The following TNFAIP8 variants were observed in gnomAD, a reference collection of about 807,000 sequenced individuals.
The protein encoded by TNFAIP8 is tumor necrosis factor alpha-induced protein 8.
Under a neutral mutation model 13.3 loss-of-function variants are expected in TNFAIP8, and 7 were observed. That is an observed-to-expected ratio of 0.52 (90% CI 0.30 to 0.99). TNFAIP8 has a LOEUF of 0.99. TNFAIP8 is among the 50% of genes least tolerant of loss of function. The pLI is 0.07. For missense variants in TNFAIP8, 258 were observed against 236.9 expected, an observed-to-expected ratio of 1.09 and a Z score of -0.58; for synonymous variants, 94 against 87.6, an observed-to-expected ratio of 1.07 and a Z score of -0.41.
At chr5:119,391,812 G>A (rs1562037476) in intron 1 of TNFAIP8, among the ~76,000 whole-genome samples, 1 of 151,694 alleles carries the variant, frequency 6.6e-6, no homozygotes, top group African/African-American at 2.4e-5. Context: ...GAAAATTGTG[G>A]TAGAAGAAAA....
At chr5:119,279,245 C>G (rs1748557848) in intron 1 of TNFAIP8, among the ~76,000 whole-genome samples, 1 of 152,224 alleles carries the variant, frequency 6.6e-6, no homozygotes, top group South Asian at 2.1e-4. Context: ...TCTGGTGGCT[C>G]AGCTGCCCTC....
upstream of TNFAIP8, chr5:119,355,815 C>A: frequency 1.2e-6 from 1 of 847,722 alleles, no homozygotes; most frequent in Non-Finnish European, 1.5e-6. Context: ...CGAGCCAGCC[C>A]CGCCAGGTCG....
intron 1 of TNFAIP8, among the ~76,000 whole-genome samples, chr5:119,368,491 C>G (rs1384543649): frequency 6.7e-6 from 1 of 148,696 alleles, no homozygotes; most frequent in African/African-American, 2.5e-5. Context: ...GTTTAAGAAG[C>G]CTTGACACCA....
intron 1 of TNFAIP8, among the ~76,000 whole-genome samples, chr5:119,317,627 C>A (rs1002040094): frequency 2.7e-4 from 41 of 150,666 alleles, no homozygotes; most frequent in African/African-American, 9.0e-4. Context: ...GAGATGGAGT[C>A]TCACTCTCTT....
chr5:119,329,041 GA>G (rs1273222799), intron 1 of TNFAIP8, among the ~76,000 whole-genome samples: 9 of 152,320 alleles, frequency 5.9e-5, no homozygotes, highest in Admixed American at 5.9e-4. Flanking sequence ...TGAATCATAG[GA>G]AGACAGACGT....
At chr5:119,299,879 C>G (rs71585210) in intron 1 of TNFAIP8, among the ~76,000 whole-genome samples, 1,914 of 152,340 alleles carry the variant, frequency 0.013, 20 homozygotes, top group Middle Eastern at 0.024. Flanking sequence ...TGCTAGCAAT[C>G]AGCAAGACTC....
At chr5:119,344,151 G>T (rs890543531) in intron 1 of TNFAIP8, among the ~76,000 whole-genome samples, 6 of 152,176 alleles carry the variant, frequency 3.9e-5, no homozygotes, top group Admixed American at 3.9e-4. Flanking sequence ...GGTTTATTTG[G>T]CTCCTGATTC....
At chr5:119,333,720 T>C in intron 1 of TNFAIP8, 2 of 1,057,176 alleles carry the variant, frequency 1.9e-6, no homozygotes, top group Non-Finnish European at 2.8e-6. Context: ...ATAGTATTGC[T>C]GTCTTCAAGG....
chr5:119,275,015 T>A (rs1362808635), intron 1 of TNFAIP8, among the ~76,000 whole-genome samples: 6 of 78,030 alleles, frequency 7.7e-5, no homozygotes, highest in African/African-American at 4.7e-4. Flanking sequence ...TTTTTTTAAT[T>A]TTTTTTTTTT....
chr5:119,289,475 C>A (rs370092967), intron 1 of TNFAIP8, among the ~76,000 whole-genome samples: 2 of 152,202 alleles, frequency 1.3e-5, no homozygotes, highest in African/African-American at 4.8e-5. Flanking sequence ...CTGTATTGGG[C>A]TGGAAACCTC....
At chr5:119,342,659 C>G (rs1462697655) in intron 1 of TNFAIP8, among the ~76,000 whole-genome samples, 1 of 152,228 alleles carries the variant, frequency 6.6e-6, no homozygotes, top group African/African-American at 2.4e-5. Context: ...TGGCTGCTAT[C>G]TCTAGTCATG....
At chr5:119,326,068 C>T (rs996971438) in intron 1 of TNFAIP8, among the ~76,000 whole-genome samples, 1 of 152,202 alleles carries the variant, frequency 6.6e-6, no homozygotes, top group African/African-American at 2.4e-5. Flanking sequence ...ACAGGCAACC[C>T]CTTATGTTTC....
chr5:119,318,066 CTTGA>C (rs1749950948), intron 1 of TNFAIP8, among the ~76,000 whole-genome samples: 1 of 152,058 alleles, frequency 6.6e-6, no homozygotes, highest in Non-Finnish European at 1.5e-5. Flanking sequence ...GACTTACCAC[CTTGA>C]TTAATTATAT....
At chr5:119,379,704 G>T (rs921229544) in intron 1 of TNFAIP8, among the ~76,000 whole-genome samples, 1 of 152,058 alleles carries the variant, frequency 6.6e-6, no homozygotes, top group South Asian at 2.1e-4. Context: ...AATCCTCCCA[G>T]CCCAGCCTCT....
intron 1 of TNFAIP8, among the ~76,000 whole-genome samples, chr5:119,312,601 T>C (rs1749766387): frequency 1.3e-5 from 2 of 151,284 alleles, no homozygotes; most frequent in African/African-American, 4.9e-5. Context: ...TTGTAAAGTT[T>C]AGGAAATAAG....
chr5:119,288,050 A>G (rs1040413285), intron 1 of TNFAIP8, among the ~76,000 whole-genome samples: 1 of 152,194 alleles, frequency 6.6e-6, no homozygotes, highest in Non-Finnish European at 1.5e-5. Flanking sequence ...TACCCCCATT[A>G]CTAAGACAAC....
intron 1 of TNFAIP8, among the ~76,000 whole-genome samples, chr5:119,356,796 C>G (rs1581639542): frequency 6.6e-6 from 1 of 152,066 alleles, no homozygotes; most frequent in East Asian, 1.9e-4. Context: ...AAAGCTCCAA[C>G]CAAAACACAA....
chr5:119,333,308 A>G lies in TNFAIP8; in HGVS notation c.2-59508A>G, dbSNP rs998010658. On this transcript the variant is annotated intron_variant, in intron 1 of 1. Transcript: ENST00000274456. ...ATGTGGAGACCTCTCTGGACTCACAATTAAAGGCTACCTAATGCATTCCAC... is the reference window on the plus strand; with the variant it reads ...ATGTGGAGACCTCTCTGGACTCACAGTTAAAGGCTACCTAATGCATTCCAC... The G allele has an allele frequency of 4.2e-6, 5 of 1,185,404 alleles. No homozygotes were observed. In the African/African-American group the frequency reaches 4.7e-5, roughly 11 times the overall value. The allele number at this position is 1,185,404 out of a possible 1,614,324, so 73.4% of individuals were successfully genotyped here. A position where few individuals can be genotyped will look rare whatever the true frequency, so the allele number is the denominator to read the frequency against.
At chr5:119,291,619 T>C (rs1748987448) in intron 1 of TNFAIP8, among the ~76,000 whole-genome samples, 1 of 152,238 alleles carries the variant, frequency 6.6e-6, no homozygotes, top group Non-Finnish European at 1.5e-5. Flanking sequence ...GCTTTCATCT[T>C]TGAATAGTGA....
Sources: allele counts gnomAD v4.1 joint callset (sites outside exome capture counted in the v4.1 genomes callset), GRCh38; gene constraint gnomAD v4.1.1; transcripts MANE v1.5; gene names NCBI Gene and HGNC (gene_info 2026-07-23, HGNC 2026-07-21).